Variants in SLC7A3 observed in about 807,000 individuals in gnomAD.
The protein encoded by SLC7A3 is cationic amino acid transporter 3.
In SLC7A3, 3 loss-of-function variants were observed where a neutral mutation model predicts 33.2. The ratio of observed to expected loss-of-function variants is 0.09; its 90% CI spans 0.04 to 0.23. SLC7A3 has a LOEUF of 0.23. Among genes scored for constraint, SLC7A3 ranks in the 10% least tolerant of loss-of-function variants. The probability of loss-of-function intolerance (pLI) is 1.00; values close to 1 mark genes in which losing one functional copy is unlikely to be tolerated. For missense variants in SLC7A3, 360 were observed against 488.8 expected (o/e 0.74, Z 2.48); for synonymous variants, 193 against 195.1 (o/e 0.99, Z 0.09).
chrX:70,929,502 G>T, intron 2 of SLC7A3, 126 bp downstream of exon 2: 1 of 845,017 alleles, frequency 1.2e-6, no homozygotes, highest in Non-Finnish European at 1.6e-6. Flanking sequence ...CAGACCCCCA[G>T]CAAACCCGCA....
rs1453414481 is a variant in SLC7A3 at position 70,925,702 on chromosome X, A to G, written c.*111T>C. The G allele has an allele frequency of 2.3e-6, 2 of 884,999 alleles. No individual in the cohort carries two copies. The highest frequency in any genetic ancestry group is 3.2e-6 in the Non-Finnish European group (2 of 615,600). The allele number at this position is 884,999 out of a possible 1,213,427, so 72.9% of individuals were successfully genotyped here. On this transcript the variant is annotated 3_prime_UTR_variant, in exon 12 of 12. Transcript: ENST00000374299. ...AGACACATCCTTCACATCGTACAGA[A>G]CTGTATTAGTATCCACCACCACCAT...
chrX:70,930,222 T>G (rs1196333137), intron 1 of SLC7A3, among the ~76,000 whole-genome samples, 200 bp from the exon 2 acceptor site: 1 of 111,766 alleles, frequency 8.9e-6, no homozygotes, highest in Non-Finnish European at 1.9e-5. Context: ...CTTACAAGGT[T>G]TTTGGAAGGG....
chrX:70,930,803 A>T (rs2091909542), intron 1 of SLC7A3, among the ~76,000 whole-genome samples, 174 bp downstream of exon 1: 1 of 111,633 alleles, frequency 9.0e-6, no homozygotes, highest in African/African-American at 3.2e-5. Flanking sequence ...CCATCTAGAA[A>T]TGGTTTGGAG....
rs373957093 is a variant in SLC7A3 at position 70,925,808 on chromosome X, C to T, written c.*5G>A. ...GGGACCAGACAGCATTTAGGTGTGA[C>T]GATGTCAAACTGAGTGGACATAGAG... On this transcript the variant is annotated 3_prime_UTR_variant, in exon 12 of 12. Coordinates refer to ENST00000374299, the MANE Select transcript of SLC7A3 (RefSeq NM_032803.6). 1.3e-5 allele frequency: 16 copies of T among 1,208,975 alleles called. No individual in the cohort carries two copies. Among genetic ancestry groups the T allele is most frequent in the African/African-American group, 8.8e-5 (5 of 56,944 alleles).
At position 70,928,898 on chromosome X, in the gene SLC7A3, C is replaced by T; in HGVS notation, c.475G>A (p.Val159Ile). 8.3e-7 allele frequency: 1 copy of T among 1,211,558 alleles called. No individual in the cohort carries two copies. Among genetic ancestry groups the T allele is most frequent in the South Asian group, 1.8e-5 (1 of 56,984 alleles). The change falls in exon 3 of 12, where the codon GTC becomes ATC. Residue 159 changes from valine to isoleucine, a missense_variant. By Grantham distance (29) the Val-to-Ile change is conservative. Transcript: ENST00000374299. The stretch of plus-strand genomic sequence containing the variant: ...AAGAAATCTGGATATTCTGCAAGGA[C>T]ATGGGGCACGTGCAGTGCAATGGAC... ...QGSIALHVPH[V>I]LAEYPDFFAL...
intron 8 of SLC7A3, 62 bp from the exon 9 acceptor site, chrX:70,927,103 C>A: frequency 8.7e-7 from 1 of 1,154,756 alleles, no homozygotes. Flanking sequence ...CATCTTCTCC[C>A]AGGCAGCTTA....
Position 70,925,662 on chromosome X carries a change from G to T in SLC7A3, c.*151C>A. 1 of 606,557 alleles carries T rather than the reference G, an allele frequency of 1.6e-6. No homozygotes were observed. The highest frequency in any genetic ancestry group is 2.5e-6 in the Non-Finnish European group (1 of 400,883). 50.0% of individuals were successfully genotyped at this position (606,557 alleles called of 1,213,427 possible). ...ATTTAGAAGCAGACGGGTTAAAATA[G>T]ACAAGAAATAGCAAAGACACATCCT... On this transcript the variant is annotated 3_prime_UTR_variant, in exon 12 of 12. Transcript: ENST00000374299.
chrX:70,926,656 C>T lies in SLC7A3; in HGVS notation c.1491G>A (p.Gln497=). 8.4e-7 allele frequency: 1 copy of T among 1,191,978 alleles called. No homozygotes were observed. Among genetic ancestry groups the T allele is most frequent in the Non-Finnish European group, 1.1e-6 (1 of 885,942 alleles). The change falls in exon 10 of 12, where the codon CAG becomes CAA. Residue 497 remains glutamine, a synonymous_variant. Coordinates refer to ENST00000374299, the MANE Select transcript of SLC7A3 (RefSeq NM_032803.6). ...LLTALCLVLA[Q]WSVPLLSGDL... ...CTCCAGAAAGCAATGGAACTGACCA[C>T]TGGGCCAGCACCAGGCAAAGAGCAG...
chrX:70,929,536 T>G, intron 2 of SLC7A3, 92 bp downstream of exon 2: 4 of 1,033,461 alleles, frequency 3.9e-6, no homozygotes, highest in Non-Finnish European at 5.1e-6. Flanking sequence ...TGAGGTCCTG[T>G]GAATAATATA....
At chrX:70,927,682 G>C in intron 6 of SLC7A3, 59 bp from the exon 7 acceptor site, 3 of 1,178,809 alleles carry the variant, frequency 2.5e-6, no homozygotes, top group Non-Finnish European at 3.4e-6. Flanking sequence ...TCCCAAGACT[G>C]TATGTTTAAA....
Position 70,928,638 on chromosome X carries a change from G to A in SLC7A3, c.530-5C>T. 8.4e-7 allele frequency: 1 copy of A among 1,194,573 alleles called. No individual in the cohort carries two copies. Among genetic ancestry groups the A allele is most frequent in the Non-Finnish European group, 1.1e-6 (1 of 886,743 alleles). On this transcript the variant is annotated splice_region_variant and splice_polypyrimidine_tract_variant and intron_variant, in intron 3 of 11. Coordinates refer to ENST00000374299, the MANE Select transcript of SLC7A3 (RefSeq NM_032803.6). ...TAGCCCCGAGAGCCAACAATCCTGT[G>A]GGAGAAATGCATTCAGGACTCCCAG...
At position 70,929,018 on chromosome X, in the gene SLC7A3, G is replaced by C. The variant is rs1171828676; in HGVS notation, c.371-16C>G. On this transcript the variant is annotated splice_polypyrimidine_tract_variant and intron_variant, in intron 2 of 11. Coordinates refer to ENST00000374299, the MANE Select transcript of SLC7A3 (RefSeq NM_032803.6). ...CTGGCTGTACCTGGTGTAGCAGAGA[G>C]AGAAACATGTGGCCAAGTTCCCTTC... 3.3e-6 allele frequency: 4 copies of C among 1,206,697 alleles called. No individual in the cohort carries two copies. The African/African-American group carries it at 7.0e-5, about 21-fold the overall frequency.
rs151001259 is a variant in SLC7A3 at position 70,927,534 on chromosome X, G to C, written c.1133C>G (p.Thr378Ser). The stretch of plus-strand genomic sequence containing the variant: ...GGCTATGATTGGGGTGCGTGTGCCG[G>C]TGTGGATCCGAGCAAGTACACGGAA... ...LLFRVLARIH[T>S]GTRTPIIATV... Residue 378 changes from threonine to serine, a missense_variant, in exon 7 of 12, where the codon ACC becomes AGC. By Grantham distance (58) the Thr-to-Ser change is moderately conservative. Coordinates refer to ENST00000374299, the MANE Select transcript of SLC7A3 (RefSeq NM_032803.6). 5.1e-5 allele frequency: 62 copies of C among 1,209,396 alleles called. No individual in the cohort carries two copies. Among genetic ancestry groups the C allele is most frequent in the Non-Finnish European group, 6.8e-5 (61 of 895,058 alleles).
Position 70,926,968 on chromosome X carries a change from C to T in SLC7A3, c.1360G>A (p.Glu454Lys). The change falls in exon 9 of 12, where the codon GAG (glutamate) becomes AAG (lysine). Residue 454 changes from glutamate to lysine, a missense_variant. Transcript: ENST00000374299. ...LQEEAITTES[E>K]KLTLWGLFFP... ...AATAGTCCCCATAGGGTCAACTTCTCTGATTCAGTAGTTATTGCCTCCTCC... is the reference window on the plus strand; with the variant it reads ...AATAGTCCCCATAGGGTCAACTTCTTTGATTCAGTAGTTATTGCCTCCTCC... The T allele has an allele frequency of 1.7e-6, 2 of 1,211,685 alleles. No individual in the cohort carries two copies. Among genetic ancestry groups the T allele is most frequent in the East Asian group, 5.9e-5 (2 of 33,846 alleles).
chrX:70,930,714 A>T (rs765478481), intron 1 of SLC7A3, among the ~76,000 whole-genome samples: 52 of 112,048 alleles, frequency 4.6e-4, no homozygotes, highest in Non-Finnish European at 7.5e-4. Context: ...GCAGCCCGAG[A>T]TTGCTCGCAC....
chrX:70,930,710 C>G (rs2091909268), intron 1 of SLC7A3, among the ~76,000 whole-genome samples: 1 of 112,234 alleles, frequency 8.9e-6, no homozygotes, highest in African/African-American at 3.2e-5. Context: ...CAGGGCAGCC[C>G]GAGATTGCTC....
intron 2 of SLC7A3, among the ~76,000 whole-genome samples, 157 bp downstream of exon 2, chrX:70,929,471 C>T (rs192864594): frequency 1.3e-3 from 122 of 94,348 alleles, no homozygotes; most frequent in African/African-American, 5.1e-3. Context: ...GCAATTTCTC[C>T]ACACCTTCAA....
chrX:70,930,549 C>G (rs918785859), intron 1 of SLC7A3, among the ~76,000 whole-genome samples: 6 of 112,130 alleles, frequency 5.4e-5, no homozygotes, highest in Admixed American at 1.9e-4. Context: ...TCACCAAGCC[C>G]ACACTGCTCA....
Position 70,925,731 on chromosome X carries a change from A to T in SLC7A3, c.*82T>A. 1 of 1,093,042 alleles carries T rather than the reference A, an allele frequency of 9.1e-7. No homozygotes were observed. Among genetic ancestry groups the T allele is most frequent in the East Asian group, 3.0e-5 (1 of 33,255 alleles). 90.1% of individuals were successfully genotyped at this position (1,093,042 alleles called of 1,213,427 possible). A position where few individuals can be genotyped will look rare whatever the true frequency, so the allele number is the denominator to read the frequency against. On this transcript the variant is annotated 3_prime_UTR_variant, in exon 12 of 12. Transcript: ENST00000374299. Reference sequence around the variant, plus strand: ...TATTAGTATCCACCACCACCATCACAGGGGAGGGCTAGCTGTCACTGGGGT... The same window carrying T: ...TATTAGTATCCACCACCACCATCACTGGGGAGGGCTAGCTGTCACTGGGGT...
Sources: allele counts gnomAD v4.1 joint callset (sites outside exome capture counted in the v4.1 genomes callset), GRCh38; gene constraint gnomAD v4.1.1; transcripts MANE v1.5; gene names NCBI Gene and HGNC (gene_info 2026-07-23, HGNC 2026-07-21).